The following UBE2H variants were observed in gnomAD, a reference collection of about 807,000 sequenced individuals.
UBE2H encodes ubiquitin-conjugating enzyme E2 H.
In UBE2H, 3 loss-of-function variants were observed where a neutral mutation model predicts 29.0. That is an observed-to-expected ratio of 0.10 (90% CI 0.05 to 0.27). The LOEUF is 0.27. Ranked by LOEUF, UBE2H falls within the 10% of genes least tolerant of loss-of-function variation. UBE2H has a pLI of 1.00. For missense variants in UBE2H, 68 were observed against 228.2 expected (o/e 0.30, Z 4.52); for synonymous variants, 69 against 82.9 (o/e 0.83, Z 0.91).
At chr7:129,844,595 C>T (rs1004259952) in intron 5 of UBE2H, among the ~76,000 whole-genome samples, 4 of 152,098 alleles carry the variant, frequency 2.6e-5, no homozygotes, top group African/African-American at 9.7e-5. Flanking sequence ...ATACAGTTGA[C>T]CTAAACCTGT....
chr7:129,896,534 T>C (rs927467625), intron 1 of UBE2H, among the ~76,000 whole-genome samples: 3 of 151,918 alleles, frequency 2.0e-5, no homozygotes, highest in African/African-American at 4.8e-5. Context: ...CCCACCCCAG[T>C]AGCTTGGATT....
intron 3 of UBE2H, among the ~76,000 whole-genome samples, chr7:129,863,431 T>C (rs1409704225): frequency 2.6e-5 from 4 of 152,138 alleles, no homozygotes; most frequent in South Asian, 2.1e-4. Flanking sequence ...CGAAGACAAA[T>C]AGTTGAACTA....
At chr7:129,878,685 A>G (rs1806196191) in intron 3 of UBE2H, among the ~76,000 whole-genome samples, 7 of 136,094 alleles carry the variant, frequency 5.1e-5, no homozygotes, top group East Asian at 2.0e-4. Flanking sequence ...TCCGTCTCAA[A>G]AAAAAAAAAA....
At chr7:129,853,156 T>C (rs1056747986) in intron 5 of UBE2H, among the ~76,000 whole-genome samples, 4 of 152,068 alleles carry the variant, frequency 2.6e-5, no homozygotes, top group African/African-American at 9.7e-5. Context: ...AGAGAGAGAT[T>C]AAAGCTGTAT....
chr7:129,924,996 G>A (rs777029165), intron 1 of UBE2H, among the ~76,000 whole-genome samples: 1 of 151,894 alleles, frequency 6.6e-6, no homozygotes, highest in Non-Finnish European at 1.5e-5. Context: ...AATGCTCAAG[G>A]TAAGTAATTT....
chr7:129,894,017 T>C (rs1423491156), intron 1 of UBE2H, among the ~76,000 whole-genome samples: 1 of 152,150 alleles, frequency 6.6e-6, no homozygotes, highest in Non-Finnish European at 1.5e-5. Context: ...GAGCAGGGCA[T>C]GGAGGCACAC....
chr7:129,910,683 A>G (rs1391216818), intron 1 of UBE2H, among the ~76,000 whole-genome samples: 1 of 151,482 alleles, frequency 6.6e-6, no homozygotes, highest in Admixed American at 6.6e-5. Context: ...GGAGTTCAAG[A>G]CCAGCCTGGA....
intron 1 of UBE2H, among the ~76,000 whole-genome samples, chr7:129,919,100 TAAAA>T (rs1204331286): frequency 1.4e-5 from 1 of 72,184 alleles, no homozygotes; most frequent in East Asian, 5.1e-4. Context: ...AAAAACAAAG[TAAAA>T]AAAAAAAAAA....
intron 1 of UBE2H, among the ~76,000 whole-genome samples, chr7:129,944,908 A>G (rs1293022728): frequency 1.3e-5 from 2 of 152,196 alleles, no homozygotes; most frequent in African/African-American, 2.4e-5. Flanking sequence ...AGGTGAATGC[A>G]TAAACAAATT....
rs1300369307 is a variant in UBE2H, at chr7:129,831,727, G to C, written c.*3210C>G. 6.6e-6 allele frequency: 1 copy of C among 152,236 alleles called. No homozygotes were observed. Among genetic ancestry groups the C allele is most frequent in the Non-Finnish European group, 1.5e-5 (1 of 68,062 alleles). The allele number at this position is 152,236 out of a possible 1,614,324, so 9.4% of individuals were successfully genotyped here. A position where few individuals can be genotyped will look rare whatever the true frequency, so the allele number is the denominator to read the frequency against. ...AAATTGACGACAAAGCCAAATGTCAGTGTCTAAGATGGCTACCACTGACCC... is the reference window on the plus strand; with the variant it reads ...AAATTGACGACAAAGCCAAATGTCACTGTCTAAGATGGCTACCACTGACCC... On this transcript the variant is annotated 3_prime_UTR_variant, in exon 7 of 7. Transcript: ENST00000355621.
At chr7:129,850,548 T>C (rs1376944404) in intron 5 of UBE2H, among the ~76,000 whole-genome samples, 1 of 152,128 alleles carries the variant, frequency 6.6e-6, no homozygotes, top group Non-Finnish European at 1.5e-5. Flanking sequence ...CCTGGCGTGG[T>C]GGCACACGCC....
At chr7:129,950,822 C>G (rs531120849) in intron 1 of UBE2H, among the ~76,000 whole-genome samples, 1 of 152,316 alleles carries the variant, frequency 6.6e-6, no homozygotes, top group African/African-American at 2.4e-5. Context: ...TTTCCTGCAG[C>G]CTTATGAAAA....
chr7:129,952,242 G>A (rs1474555385), intron 1 of UBE2H, among the ~76,000 whole-genome samples: 1 of 152,164 alleles, frequency 6.6e-6, no homozygotes, highest in Admixed American at 6.5e-5. Flanking sequence ...TCCAAACGTC[G>A]CGGAGGAAAG....
At chr7:129,947,945 T>C (rs892774802) in intron 1 of UBE2H, among the ~76,000 whole-genome samples, 16 of 152,034 alleles carry the variant, frequency 1.1e-4, no homozygotes, top group African/African-American at 3.6e-4. Context: ...CTCCGCCTCA[T>C]GGGTTCAAGC....
intron 1 of UBE2H, among the ~76,000 whole-genome samples, chr7:129,937,892 C>G (rs1807563046): frequency 6.6e-6 from 1 of 152,100 alleles, no homozygotes; most frequent in Non-Finnish European, 1.5e-5. Context: ...CTAATAATGT[C>G]ATATTGTGAT....
chr7:129,853,087 G>C (rs942120223), intron 5 of UBE2H, among the ~76,000 whole-genome samples: 2 of 152,192 alleles, frequency 1.3e-5, no homozygotes, highest in Non-Finnish European at 2.9e-5. Context: ...TAAAATGAAA[G>C]CTGGAGAGAG....
chr7:129,924,797 C>T (rs7783328), intron 1 of UBE2H, among the ~76,000 whole-genome samples: 1 of 151,664 alleles, frequency 6.6e-6, no homozygotes, highest in African/African-American at 2.4e-5. Context: ...GTCTCTGAGC[C>T]GCACAGAGCC....
chr7:129,901,960 C>T (rs1477077984), intron 1 of UBE2H, among the ~76,000 whole-genome samples: 4 of 151,914 alleles, frequency 2.6e-5, no homozygotes, highest in South Asian at 2.1e-4. Context: ...GGTGGGGGAG[C>T]GGGGGAGAGA....
At chr7:129,906,564 G>A (rs1199376558) in intron 1 of UBE2H, among the ~76,000 whole-genome samples, 2 of 151,980 alleles carry the variant, frequency 1.3e-5, no homozygotes, top group African/African-American at 4.8e-5. Context: ...AAACAGATAG[G>A]CATCTAGAAT....
Sources: allele counts gnomAD v4.1 joint callset (sites outside exome capture counted in the v4.1 genomes callset), GRCh38; gene constraint gnomAD v4.1.1; transcripts MANE v1.5; gene names NCBI Gene and HGNC (gene_info 2026-07-23, HGNC 2026-07-21).